LOXHD1: variants seen among roughly 807,000 people sequenced by gnomAD.
The protein encoded by LOXHD1 is lipoxygenase homology domain-containing protein 1.
Under a neutral mutation model 248.2 loss-of-function variants are expected in LOXHD1, and 205 were observed. That is an observed-to-expected ratio of 0.83 (90% confidence interval 0.74 to 0.93). LOXHD1 has a LOEUF of 0.93. Ranked by LOEUF, LOXHD1 falls within the 40% of genes least tolerant of loss-of-function variation. LOXHD1 has a pLI of 0.00. For synonymous variants in LOXHD1, 1,113 were observed against 1,162.8 expected (o/e 0.96, Z 0.87); for missense variants, 2,930 against 2,971.6 (o/e 0.99, Z 0.33).
Position 46,533,313 on chromosome 18 carries a change from G to A in LOXHD1, c.4224C>T (p.Thr1408=), listed in dbSNP as rs2144267275. 6.4e-7 allele frequency: 1 copy of A among 1,551,814 alleles called. No homozygotes were observed. The highest frequency in any genetic ancestry group is 8.7e-7 in the Non-Finnish European group (1 of 1,147,010). Residue 1408 remains threonine, a synonymous_variant, in exon 28 of 41, where the codon ACC becomes ACT. Transcript: ENST00000642948. ...RLLPDKDGAE[T]LTFPCDRWLA... ...GCCACCGATCGCATGGGAAAGTCAAGGTCTCTGCACCCTGGGGTGAGGCAG... is the reference window on the plus strand; with the variant it reads ...GCCACCGATCGCATGGGAAAGTCAAAGTCTCTGCACCCTGGGGTGAGGCAG...
At chr18:46,525,760 G>A (rs2035799930) in intron 29 of LOXHD1, among the ~76,000 whole-genome samples, 2 of 152,128 alleles carry the variant, frequency 1.3e-5, no homozygotes, top group Admixed American at 1.3e-4. Context: ...CCTTCTGAAA[G>A]ATTTGCTGGG....
At chr18:46,597,580 C>CA (rs2038276148) in intron 8 of LOXHD1, among the ~76,000 whole-genome samples, 1 of 140,786 alleles carries the variant, frequency 7.1e-6, no homozygotes, top group African/African-American at 2.9e-5. Flanking sequence ...ACACACACAC[C>CA]CCTACCTGTA....
intron 8 of LOXHD1, among the ~76,000 whole-genome samples, chr18:46,597,699 A>G (rs1265760975): frequency 1.3e-4 from 20 of 151,978 alleles, no homozygotes; most frequent in Admixed American, 1.3e-3. Context: ...ATCATAACCA[A>G]TCGACAACTG....
At chr18:46,609,066 C>T (rs530499605) in intron 6 of LOXHD1, among the ~76,000 whole-genome samples, 6 of 152,310 alleles carry the variant, frequency 3.9e-5, no homozygotes, top group African/African-American at 1.2e-4. Flanking sequence ...CAAAATAAGG[C>T]ATCATTTGCC....
intron 5 of LOXHD1, among the ~76,000 whole-genome samples, chr18:46,614,462 C>G (rs1223698683): frequency 6.6e-6 from 1 of 152,172 alleles, no homozygotes; most frequent in Non-Finnish European, 1.5e-5. Flanking sequence ...AGCAAACTAT[C>G]GCAAGGATAG....
At chr18:46,577,351 C>T (rs939578075) in intron 14 of LOXHD1, among the ~76,000 whole-genome samples, 1 of 149,282 alleles carries the variant, frequency 6.7e-6, no homozygotes, top group African/African-American at 2.4e-5. Flanking sequence ...TAAAAAAAAA[C>T]TTTTGATTTA....
chr18:46,594,113 T>C (rs1158332508), intron 9 of LOXHD1, among the ~76,000 whole-genome samples: 1 of 152,184 alleles, frequency 6.6e-6, no homozygotes, highest in Non-Finnish European at 1.5e-5. Context: ...TTGGTGACAC[T>C]GGAGTCAGCC....
At chr18:46,483,902 A>G (rs2032807685) in intron 39 of LOXHD1, among the ~76,000 whole-genome samples, 157 bp from the exon 40 acceptor site, 1 of 152,162 alleles carries the variant, frequency 6.6e-6, no homozygotes, top group African/African-American at 2.4e-5. Flanking sequence ...TGAGGGGTTC[A>G]GTTCAGTTTG....
chr18:46,563,449 T>C (rs1010756898), intron 17 of LOXHD1, among the ~76,000 whole-genome samples: 5 of 152,074 alleles, frequency 3.3e-5, no homozygotes, highest in African/African-American at 1.2e-4. Flanking sequence ...ATGCCAAATC[T>C]AAGCAATCAG....
rs527399469 is a variant in LOXHD1, at chr18:46,652,014, C to T, written c.131-2745G>A. ...GCCCATCAACAGGGGCATAGATAAA[C>T]GAACTGTGGTATATCTGTACAACAG... On this transcript the variant is annotated intron_variant, in intron 1 of 40. Coordinates refer to ENST00000642948, the MANE Select transcript of LOXHD1 (RefSeq NM_001384474.1). Among the ~76,000 whole-genome samples the T allele has an allele frequency of 5.9e-5, 9 of 152,322 alleles. No homozygotes were observed. In the East Asian group the frequency reaches 7.7e-4, roughly 13 times the overall value.
chr18:46,538,302 C>T lies in LOXHD1; in HGVS notation c.3949G>A (p.Val1317Ile), dbSNP rs919978116. 42 of 1,551,380 alleles carry T rather than the reference C, an allele frequency of 2.7e-5. No individual in the cohort carries two copies. The highest frequency in any genetic ancestry group is 1.6e-4 in the Admixed American group (8 of 50,984). The change falls in exon 26 of 41, where the codon GTC (valine) becomes ATC (isoleucine). Residue 1317 changes from valine (V) to isoleucine (I), a missense_variant. Transcript: ENST00000642948. ...TTGGCATCTGTCCCAGCAGCAAAGA[C>T]ATCACTGGTGTAGAGGGTGATCTCG... ...PYEITLYTSD[V>I]FAAGTDANIF... is the part of the protein sequence containing the mutation.
At chr18:46,531,363 A>G (rs2036058841) in intron 28 of LOXHD1, among the ~76,000 whole-genome samples, 1 of 152,200 alleles carries the variant, frequency 6.6e-6, no homozygotes, top group African/African-American at 2.4e-5. Flanking sequence ...CTGCGGTGAC[A>G]TTAGGAAACT....
At position 46,529,188 on chromosome 18, in the gene LOXHD1, C is replaced by G. The variant is rs752123459; in HGVS notation, c.4519G>C (p.Glu1507Gln). 23 of 1,551,434 alleles carry G rather than the reference C, an allele frequency of 1.5e-5. No individual in the cohort carries two copies. The Admixed American group carries it at 2.9e-4, about 20-fold the overall frequency. The change falls in exon 29 of 41, where the codon GAG (glutamate) becomes CAG (glutamine). Residue 1507 changes from glutamate (E) to glutamine (Q), a missense_variant. Physicochemically the swap from Glu to Gln is conservative, Grantham distance 29. Transcript: ENST00000642948. ...TGTGCCCCTCATACCGTTCCTCTCTCGAACTTGTTGGTCCGGTTCTCTGAC... is the reference window on the plus strand; with the variant it reads ...TGTGCCCCTCATACCGTTCCTCTCTGGAACTTGTTGGTCCGGTTCTCTGAC... ...GKSENRTNKFERGTADTFIIE... is the reference protein window; with the variant it reads ...GKSENRTNKFQRGTADTFIIE...
rs1272335520 is a variant in LOXHD1, at chr18:46,533,404, T to C, written c.4213-80A>G. ...CAGGGATTCATCAGCTCAATACTCATGGAGACCAAGGACAAGGATCATGGG... is the reference window on the plus strand; with the variant it reads ...CAGGGATTCATCAGCTCAATACTCACGGAGACCAAGGACAAGGATCATGGG... On this transcript the variant is annotated intron_variant, in intron 27 of 40. Coordinates refer to ENST00000642948, the MANE Select transcript of LOXHD1 (RefSeq NM_001384474.1). The C allele has an allele frequency of 2.7e-6, 4 of 1,482,208 alleles. No homozygotes were observed. The East Asian group carries it at 7.4e-5, about 27-fold the overall frequency. 91.8% of individuals were successfully genotyped at this position (1,482,208 alleles called of 1,614,324 possible).
At chr18:46,639,495 C>T in intron 4 of LOXHD1, 121 bp downstream of exon 4, 1 of 1,232,634 alleles carries the variant, frequency 8.1e-7, no homozygotes, top group Non-Finnish European at 1.1e-6. Flanking sequence ...ACAGGAAGGC[C>T]CTGGAGGCAT....
intron 6 of LOXHD1, 143 bp from the exon 7 acceptor site, chr18:46,604,372 A>G (rs2038383049): frequency 1.8e-6 from 2 of 1,137,154 alleles, no homozygotes; most frequent in Non-Finnish European, 2.5e-6. Context: ...GCTTATCACA[A>G]GGACACAACT....
rs2038382368 is a variant in LOXHD1, at chr18:46,604,332, T to A, written c.760-103A>T. 1.1e-5 allele frequency: 16 copies of A among 1,436,102 alleles called. No homozygotes were observed. The South Asian group carries it at 2.0e-4, about 18-fold the overall frequency. 89.0% of individuals were successfully genotyped at this position (1,436,102 alleles called of 1,614,324 possible). A position where few individuals can be genotyped will look rare whatever the true frequency, so the allele number is the denominator to read the frequency against. On this transcript the variant is annotated intron_variant, in intron 6 of 40. Coordinates refer to ENST00000642948, the MANE Select transcript of LOXHD1 (RefSeq NM_001384474.1). Reference sequence around the variant, plus strand: ...ATCACTTGAGTCTACTTTAAGAATGTACTGATATCTGTTTCGTGGCCCAAG... The same window carrying A: ...ATCACTTGAGTCTACTTTAAGAATGAACTGATATCTGTTTCGTGGCCCAAG...
At chr18:46,535,233 A>C (rs2036255694) in intron 26 of LOXHD1, among the ~76,000 whole-genome samples, 1 of 152,112 alleles carries the variant, frequency 6.6e-6, no homozygotes, top group Admixed American at 6.5e-5. Flanking sequence ...ATTGTATCCC[A>C]AAAACCTAGA....
intron 5 of LOXHD1, among the ~76,000 whole-genome samples, chr18:46,615,898 A>G (rs1210360439): frequency 6.6e-6 from 1 of 152,216 alleles, no homozygotes; most frequent in African/African-American, 2.4e-5. Context: ...GTTAAAAATT[A>G]TTGCATCATT....
Sources: allele counts gnomAD v4.1 joint callset (sites outside exome capture counted in the v4.1 genomes callset), GRCh38; gene constraint gnomAD v4.1.1; transcripts MANE v1.5; gene names NCBI Gene and HGNC (gene_info 2026-07-23, HGNC 2026-07-21).